Variants in APBB1 observed in about 807,000 individuals in gnomAD.
APBB1 encodes adaptor protein FE65a2.
APBB1 carries 22 observed loss-of-function variants against 78.4 expected under a neutral mutation model. The ratio of observed to expected loss-of-function variants is 0.28; its 90% CI spans 0.20 to 0.40. The LOEUF is 0.40. APBB1 is among the 10% of genes least tolerant of loss of function. The pLI, the probability that APBB1 is intolerant of heterozygous loss-of-function variation, is 1.00. For missense variants in APBB1, 749 were observed against 932.4 expected (o/e 0.80, Z 2.56); for synonymous variants, 369 against 372.7 (o/e 0.99, Z 0.12).
chr11:6,403,178 C>T lies in APBB1; in HGVS notation c.1071G>A (p.Lys357=). 1 of 1,613,460 alleles carries T rather than the reference C, an allele frequency of 6.2e-7. No homozygotes were observed. Residue 357 remains lysine, a synonymous_variant, in exon 6 of 15, where the codon AAG becomes AAA. Transcript: ENST00000609360. This position sits in a 1 kb window ranked among gnomAD's most constrained non-coding sequence, Gnocchi z 5.3. ...CTGGGTTGGTATTCCGTGGGGGAAG[C>T]TTCTCCTCCTCTTGGGGCAACGGCT... The part of the protein sequence containing the change: ...SPEPLPQEEE[K]LPPRNTNPGI...
At chr11:6,417,695 A>T (rs1849155866) in intron 1 of APBB1, among the ~76,000 whole-genome samples, 1 of 152,246 alleles carries the variant, frequency 6.6e-6, no homozygotes, top group Non-Finnish European at 1.5e-5. Context: ...GTGAGGAAAG[A>T]GCGAAATGAA....
At chr11:6,402,340 AGGCCTCACTCTAGT>A in intron 7 of APBB1, 131 bp from the exon 8 acceptor site, 4 of 1,348,554 alleles carry the variant, frequency 3.0e-6, no homozygotes, top group Non-Finnish European at 4.0e-6. Context: ...CCCGCCCTGC[AGGCCTCACTCTAGT>A]GGAGGTCACG....
intron 12 of APBB1, among the ~76,000 whole-genome samples, chr11:6,398,681 T>C (rs1457574314): frequency 1.3e-5 from 2 of 152,204 alleles, no homozygotes; most frequent in African/African-American, 4.8e-5. Flanking sequence ...AGGGTCAGCA[T>C]GCTTTTCTCA....
intron 2 of APBB1, among the ~76,000 whole-genome samples, chr11:6,409,741 T>G (rs962082630): frequency 2.0e-5 from 3 of 147,222 alleles, no homozygotes; most frequent in Non-Finnish European, 4.4e-5. Flanking sequence ...TATAGCCCAT[T>G]ATCTCCACTC....
At chr11:6,408,470 C>T (rs1394743936) in intron 2 of APBB1, among the ~76,000 whole-genome samples, 4 of 151,596 alleles carry the variant, frequency 2.6e-5, no homozygotes, top group Non-Finnish European at 5.9e-5. Context: ...GCCTGGGCAA[C>T]ATGGTGAGAC....
chr11:6,406,224 T>C (rs117069842), intron 2 of APBB1, among the ~76,000 whole-genome samples: 3,788 of 152,322 alleles, frequency 0.025, 74 homozygotes, highest in Admixed American at 0.039. Context: ...GACACTTACA[T>C]ATAAAATACA....
chr11:6,401,131 C>T lies in APBB1; in HGVS notation c.1589-59G>A, dbSNP rs1027593894. On this transcript the variant is annotated intron_variant, in intron 11 of 14. Transcript: ENST00000609360. The surrounding 1 kb of genome is among the most constrained non-coding windows in gnomAD (Gnocchi z 4.5). ...CAGACCTTGCTCACCCGCAGCCCCA[C>T]CAGCAGGGCATAAGCTGGACACTTG... 8.7e-6 allele frequency: 14 copies of T among 1,613,990 alleles called. No individual in the cohort carries two copies. The African/African-American group carries it at 1.5e-4, about 17-fold the overall frequency.
At chr11:6,415,773 ACCTATGATTTGGATTCTT>A (rs1849103326) in intron 1 of APBB1, among the ~76,000 whole-genome samples, 1 of 152,128 alleles carries the variant, frequency 6.6e-6, no homozygotes, top group African/African-American at 2.4e-5. Flanking sequence ...CAACTGCTTC[ACCTATGATTTGGATTCTT>A]CCTATGATGC....
At chr11:6,399,811 G>A (rs921526234) in intron 12 of APBB1, among the ~76,000 whole-genome samples, 5 of 152,108 alleles carry the variant, frequency 3.3e-5, no homozygotes, top group South Asian at 2.1e-4. Context: ...CCCAGCTGTC[G>A]GCCTCATCTT....
Position 6,396,003 on chromosome 11 carries a change from A to C in APBB1, c.1789-41T>G, listed in dbSNP as rs112457566. 2.1e-4 allele frequency: 334 copies of C among 1,605,720 alleles called. 5 individuals carry two copies. The African/African-American group carries it at 3.3e-3, about 16-fold the overall frequency. ...TCAGTTAAAAAGGAACACCAACCCC[A>C]CACTGTGTTCCACATCCATCTTAGC... On this transcript the variant is annotated intron_variant, in intron 13 of 14. Coordinates refer to ENST00000609360, the MANE Select transcript of APBB1 (RefSeq NM_001164.5).
At chr11:6,417,697 C>T (rs1849155957) in intron 1 of APBB1, among the ~76,000 whole-genome samples, 1 of 152,076 alleles carries the variant, frequency 6.6e-6, no homozygotes, top group African/African-American at 2.4e-5. Context: ...GAGGAAAGAG[C>T]GAAATGAATG....
chr11:6,413,351 C>A (rs562017023), intron 1 of APBB1, among the ~76,000 whole-genome samples: 1 of 152,300 alleles, frequency 6.6e-6, no homozygotes, highest in African/African-American at 2.4e-5. Flanking sequence ...CTGTACAGAC[C>A]TTTCTCCTTG....
At chr11:6,404,475 C>A in intron 2 of APBB1, 1 of 1,097,304 alleles carries the variant, frequency 9.1e-7, no homozygotes, top group African/African-American at 1.5e-5. Context: ...ACCACACACA[C>A]AGGCGGACCC....
chr11:6,406,220 T>TA (rs1424831779), intron 2 of APBB1, among the ~76,000 whole-genome samples: 1 of 152,216 alleles, frequency 6.6e-6, no homozygotes, highest in African/African-American at 2.4e-5. Context: ...ATGCGACACT[T>TA]ACATATAAAA....
At chr11:6,412,766 C>T (rs185178637) in intron 1 of APBB1, among the ~76,000 whole-genome samples, 11 of 152,280 alleles carry the variant, frequency 7.2e-5, no homozygotes, top group African/African-American at 2.6e-4. Flanking sequence ...AATCAGTCCC[C>T]ATTTCCTCCA....
Position 6,395,643 on chromosome 11 carries a change from G to T in APBB1, c.2024C>A (p.Ala675Glu), listed in dbSNP as rs1345636175. Residue 675 changes from alanine (A) to glutamate (E), a missense_variant, in exon 15 of 15, where the codon GCA (alanine) becomes GAA (glutamate). By Grantham distance (107) the Ala-to-Glu change is moderately radical. This residue lies in a region of APBB1 where 96 missense variants were observed against 116.0 expected (regional missense o/e 0.83). Transcript: ENST00000609360. The surrounding 1 kb of genome is among the most constrained non-coding windows in gnomAD (Gnocchi z 5.2). ...CCGTGCCACAGACTCAGCAGGGGGT[G>T]CTGGGAGGCAGGAGGTGGAGGCCTG... ...RSQASTSCLP[A>E]PPAESVARRV... is the part of the protein sequence containing the mutation. 1 of 1,595,714 alleles carries T rather than the reference G, an allele frequency of 6.3e-7. No homozygotes were observed. Among genetic ancestry groups the T allele is most frequent in the South Asian group, 1.1e-5 (1 of 88,568 alleles).
chr11:6,399,292 T>C (rs1301784081), intron 12 of APBB1, among the ~76,000 whole-genome samples: 12 of 152,214 alleles, frequency 7.9e-5, no homozygotes, highest in Admixed American at 7.9e-4. Context: ...TGAATCTAAC[T>C]GCCAACCTGA....
Position 6,403,116 on chromosome 11 carries a change from C to G in APBB1, c.1104+29G>C. The G allele has an allele frequency of 2.5e-6, 4 of 1,586,696 alleles. No individual in the cohort carries two copies. The highest frequency in any genetic ancestry group is 2.6e-6 in the Non-Finnish European group (3 of 1,167,356). Reference sequence around the variant, plus strand: ...GTCTGACAAATAAGAGGGCCCCAGACTCAGAATGGGTGTCAGTCTTGAACA... The same window carrying G: ...GTCTGACAAATAAGAGGGCCCCAGAGTCAGAATGGGTGTCAGTCTTGAACA... On this transcript the variant is annotated intron_variant, in intron 6 of 14. Transcript: ENST00000609360. This position sits in a 1 kb window ranked among gnomAD's most constrained non-coding sequence, Gnocchi z 5.3.
At chr11:6,396,566 C>A (rs1848236404) in intron 12 of APBB1, 2 of 282,336 alleles carry the variant, frequency 7.1e-6, no homozygotes, top group Non-Finnish European at 1.3e-5. Context: ...TTGCTTCACA[C>A]CACAATAACT....
Sources: gnomAD v4.1 joint callset for allele counts (sites outside exome capture counted in the v4.1 genomes callset) on GRCh38, gnomAD v4.1.1 for gene constraint, gnomAD v4.1.1 regional missense constraint, Gnocchi (gnomAD v3.1) non-coding constraint, MANE v1.5 for transcripts, NCBI Gene and HGNC (gene_info 2026-07-23, HGNC 2026-07-21) for gene names.